Variants in GNAO1 observed in about 807,000 individuals in gnomAD.
GNAO1 encodes G protein subunit alpha o1, also known as guanine nucleotide-binding protein G(o) subunit alpha.
For missense variants in GNAO1, 166 were observed against 478.7 expected (o/e 0.35, Z 6.10); for synonymous variants, 164 against 180.7 (o/e 0.91, Z 0.74).
intron 1 of GNAO1, 52 bp from the exon 2 acceptor site, chr16:56,192,522 T>G (rs886672142): frequency 3.4e-5 from 22 of 641,964 alleles, no homozygotes; most frequent in Non-Finnish European, 5.2e-5. Flanking sequence ...CCTCCCCCTG[T>G]TCCCTTAAGC....
chr16:56,300,045 G>A (rs530230842), intron 3 of GNAO1, among the ~76,000 whole-genome samples: 54 of 91,908 alleles, frequency 5.9e-4, no homozygotes, highest in East Asian at 4.8e-3. Flanking sequence ...GTGCGCGCGC[G>A]CGCGCGCACG....
Position 56,341,065 on chromosome 16 carries a change from T to A in GNAO1, c.723+4205T>A, listed in dbSNP as rs550321761. The A allele has an allele frequency of 4.4e-5, 52 of 1,169,406 alleles. 1 individual carries two copies. The South Asian group carries it at 7.2e-4, about 16-fold the overall frequency. The allele number at this position is 1,169,406 out of a possible 1,614,324, so 72.4% of individuals were successfully genotyped here. On this transcript the variant is annotated intron_variant, in intron 6 of 8. Coordinates refer to ENST00000262493, the MANE Select transcript of GNAO1 (RefSeq NM_020988.3). The stretch of plus-strand genomic sequence containing the variant: ...AAAGCCCAGTCCACCCTTCCTGTGC[T>A]CTGTGGATGCCCCTGACTCTGCCAC...
At chr16:56,209,551 A>G (rs1043824256) in intron 2 of GNAO1, among the ~76,000 whole-genome samples, 49 of 151,970 alleles carry the variant, frequency 3.2e-4, no homozygotes, top group Admixed American at 3.2e-3. Flanking sequence ...CGAATCCACT[A>G]CTCTGAGTAG....
chr16:56,327,130 C>T (rs1265505017), intron 3 of GNAO1, among the ~76,000 whole-genome samples: 3 of 152,170 alleles, frequency 2.0e-5, no homozygotes, highest in African/African-American at 7.2e-5. Context: ...TACTGAGCCT[C>T]TCCTAAACCC....
chr16:56,344,244 G>A (rs113228612), intron 6 of GNAO1: 19 of 1,347,000 alleles, frequency 1.4e-5, no homozygotes, highest in African/African-American at 1.3e-4. Context: ...GGACAGGGCA[G>A]GGCCCAGATG....
At position 56,296,969 on chromosome 16, in the gene GNAO1, T is replaced by C. The variant is rs77942345; in HGVS notation, c.303+20897T>C. 7.6e-3 allele frequency among the ~76,000 whole-genome samples: 1,157 copies of C among 152,320 alleles called. 8 individuals carry two copies. The highest frequency in any genetic ancestry group is 0.01 in the Non-Finnish European group (691 of 68,022). ...GCCCCACTTCAAAGCGTCTCCCTCATGCCTAAAATCTCCCAGTTAGAGCCC... is the reference window on the plus strand; with the variant it reads ...GCCCCACTTCAAAGCGTCTCCCTCACGCCTAAAATCTCCCAGTTAGAGCCC... On this transcript the variant is annotated intron_variant, in intron 3 of 8. Transcript: ENST00000262493.
At chr16:56,197,978 C>G (rs2036249000) in intron 2 of GNAO1, among the ~76,000 whole-genome samples, 1 of 151,914 alleles carries the variant, frequency 6.6e-6, no homozygotes, top group Non-Finnish European at 1.5e-5. Flanking sequence ...CCAGACAGGC[C>G]ATTATCACCA....
intron 2 of GNAO1, among the ~76,000 whole-genome samples, chr16:56,208,931 G>A (rs2036358472): frequency 6.6e-6 from 1 of 151,736 alleles, no homozygotes; most frequent in African/African-American, 2.4e-5. Context: ...TCCCTGGCTT[G>A]TCTTTTCACT....
intron 3 of GNAO1, among the ~76,000 whole-genome samples, chr16:56,310,845 C>T (rs2037450507): frequency 6.6e-6 from 1 of 152,098 alleles, no homozygotes; most frequent in African/African-American, 2.4e-5. Flanking sequence ...GGGTGGCTCT[C>T]CTCCACACAG....
intron 2 of GNAO1, among the ~76,000 whole-genome samples, chr16:56,210,562 G>C (rs72814438): frequency 3.3e-5 from 5 of 152,224 alleles, no homozygotes; most frequent in Non-Finnish European, 5.9e-5. Flanking sequence ...CCTGTTGTCT[G>C]CAACGTCACC....
At chr16:56,350,498 G>C (rs2037910284) in intron 6 of GNAO1, among the ~76,000 whole-genome samples, 1 of 152,202 alleles carries the variant, frequency 6.6e-6, no homozygotes, top group African/African-American at 2.4e-5. Context: ...TTTTGCCCAG[G>C]GCAAGAGGCT....
chr16:56,344,141 G>A (rs888643842), intron 6 of GNAO1: 37 of 1,440,082 alleles, frequency 2.6e-5, no homozygotes, highest in African/African-American at 2.4e-4. Context: ...ACGCAGGGGC[G>A]GGGCGGGGCT....
chr16:56,209,101 T>C (rs1330733719), intron 2 of GNAO1, among the ~76,000 whole-genome samples: 3 of 152,200 alleles, frequency 2.0e-5, no homozygotes, highest in Non-Finnish European at 4.4e-5. Context: ...ATTTCCCGCC[T>C]CTTTAAAAAG....
rs1197133860 is a variant in GNAO1, at chr16:56,260,483, T to C, written c.162-15448T>C. ...TCTCAGAGAGACCCAGAGACCATGA[T>C]GAAGGCTGAGCATACCTGCCCTCCT... On this transcript the variant is annotated intron_variant, in intron 2 of 8. Transcript: ENST00000262493. Among the ~76,000 whole-genome samples, 3 of 152,154 alleles carry C rather than the reference T, an allele frequency of 2.0e-5. No individual in the cohort carries two copies. In the East Asian group the frequency reaches 5.8e-4, roughly 29 times the overall value.
Position 56,329,825 on chromosome 16 carries a change from A to G in GNAO1, c.464+1034A>G, listed in dbSNP as rs147266539. Among the ~76,000 whole-genome samples the G allele has an allele frequency of 5.2e-3, 789 of 151,870 alleles. 7 individuals are homozygous for G. The highest frequency in any genetic ancestry group is 0.018 in the African/African-American group (750 of 41,374). ...AGGGGACATTCAGCAACATCGGGAG[A>G]CATTTTTGATGGCTGCAGCTAGAGT... On this transcript the variant is annotated intron_variant, in intron 4 of 8. Coordinates refer to ENST00000262493, the MANE Select transcript of GNAO1 (RefSeq NM_020988.3).
intron 2 of GNAO1, among the ~76,000 whole-genome samples, chr16:56,237,481 C>G (rs368419898): frequency 1.3e-5 from 2 of 152,118 alleles, no homozygotes; most frequent in Non-Finnish European, 2.9e-5. Context: ...AGAAACCATG[C>G]GTTCTGGTGG....
rs1362977418 is a variant in GNAO1 at position 56,356,470 on chromosome 16, G to A, written c.*396G>A. ...TGCTGGGGGGCAGGGCCCATCTGCC[G>A]CCTGGGGCTCCGGTGCGGTGCACTG... On this transcript the variant is annotated 3_prime_UTR_variant, in exon 9 of 9. Transcript: ENST00000262493. 6.6e-6 allele frequency: 1 copy of A among 152,446 alleles called. No homozygotes were observed. The highest frequency in any genetic ancestry group is 1.9e-4 in the East Asian group (1 of 5,206). 9.4% of individuals were successfully genotyped at this position (152,446 alleles called of 1,614,324 possible). A position where few individuals can be genotyped will look rare whatever the true frequency, so the allele number is the denominator to read the frequency against.
At chr16:56,332,689 C>T (rs1428802100) in intron 4 of GNAO1, among the ~76,000 whole-genome samples, 2 of 152,162 alleles carry the variant, frequency 1.3e-5, no homozygotes, top group Non-Finnish European at 2.9e-5. Flanking sequence ...AGCAGTTCTC[C>T]CACACCTTGC....
At chr16:56,303,122 C>T (rs1431166386) in intron 3 of GNAO1, among the ~76,000 whole-genome samples, 1 of 152,210 alleles carries the variant, frequency 6.6e-6, no homozygotes, top group Non-Finnish European at 1.5e-5. Context: ...CGCAGGATTC[C>T]TGAGCAGCTT....
Sources: allele counts gnomAD v4.1 joint callset (sites outside exome capture counted in the v4.1 genomes callset), GRCh38; gene constraint gnomAD v4.1.1; transcripts MANE v1.5; gene names NCBI Gene and HGNC (gene_info 2026-07-23, HGNC 2026-07-21).